Variants in PRKD1 observed in about 807,000 individuals in gnomAD.
The protein encoded by PRKD1 is protein kinase D1.
A neutral mutation model predicts 95.9 loss-of-function variants in PRKD1; 63 were observed. That is an observed-to-expected ratio of 0.66 (90% CI 0.54 to 0.81). The LOEUF is 0.81. PRKD1 is among the 30% of genes least tolerant of loss of function. The pLI is 0.00. For synonymous variants in PRKD1, 425 were observed against 423.1 expected, an observed-to-expected ratio of 1.00 and a Z score of -0.05; for missense variants, 1,048 against 1,165.3, an observed-to-expected ratio of 0.90 and a Z score of 1.47.
chr14:29,692,992 A>G (rs1327203970), intron 2 of PRKD1, among the ~76,000 whole-genome samples: 1 of 152,222 alleles, frequency 6.6e-6, no homozygotes, highest in Non-Finnish European at 1.5e-5. Context: ...TATGGCCTTG[A>G]CATTTCCTAA....
At chr14:29,586,059 T>A (rs12891866) in intron 16 of PRKD1, among the ~76,000 whole-genome samples, 42,299 of 152,116 alleles carry the variant, frequency 0.28, 7,234 homozygotes, top group Non-Finnish European at 0.39. Context: ...TTTTAATGGC[T>A]GCTAGGCAAT....
At chr14:29,675,520 C>T (rs969949714) in intron 2 of PRKD1, among the ~76,000 whole-genome samples, 3 of 152,142 alleles carry the variant, frequency 2.0e-5, no homozygotes, top group Non-Finnish European at 4.4e-5. Context: ...AACACTTTTA[C>T]ACTGTTGGTG....
At chr14:29,787,948 G>A (rs1889349682) in intron 1 of PRKD1, among the ~76,000 whole-genome samples, 1 of 151,958 alleles carries the variant, frequency 6.6e-6, no homozygotes, top group South Asian at 2.1e-4. Flanking sequence ...ACAAATTGGT[G>A]GGCTTTTTGT....
At chr14:29,740,060 A>G (rs1332579844) in intron 1 of PRKD1, among the ~76,000 whole-genome samples, 1 of 152,192 alleles carries the variant, frequency 6.6e-6, no homozygotes, top group Non-Finnish European at 1.5e-5. Flanking sequence ...GTGTAAAAAC[A>G]TATTATCTTG....
intron 1 of PRKD1, among the ~76,000 whole-genome samples, chr14:29,757,167 T>C (rs908339061): frequency 1.3e-5 from 2 of 152,150 alleles, no homozygotes; most frequent in African/African-American, 2.4e-5. Flanking sequence ...CTCTATACCC[T>C]GAAGGAAAAA....
At position 29,598,984 on chromosome 14, in the gene PRKD1, T is replaced by C. The variant is rs1594350286; in HGVS notation, c.2166+43A>G. The C allele has an allele frequency of 2.7e-6, 4 of 1,478,314 alleles. No individual in the cohort carries two copies. The East Asian group carries it at 9.1e-5, about 33-fold the overall frequency. 91.6% of individuals were successfully genotyped at this position (1,478,314 alleles called of 1,614,324 possible). On this transcript the variant is annotated intron_variant, in intron 15 of 17. Transcript: ENST00000331968. Reference sequence around the variant, plus strand: ...CAAGATGCTACATGGAAGCTAGCAATGCTTCCAACTGGCTTTTTGCTGAGA... The same window carrying C: ...CAAGATGCTACATGGAAGCTAGCAACGCTTCCAACTGGCTTTTTGCTGAGA...
chr14:29,885,071 C>T (rs944574020), intron 1 of PRKD1, among the ~76,000 whole-genome samples: 3 of 149,378 alleles, frequency 2.0e-5, no homozygotes, highest in Non-Finnish European at 4.4e-5. Flanking sequence ...TGCAGTGAGC[C>T]GAGATCGCAC....
chr14:29,916,547 C>T (rs1894894878), intron 1 of PRKD1, among the ~76,000 whole-genome samples: 1 of 152,218 alleles, frequency 6.6e-6, no homozygotes, highest in Non-Finnish European at 1.5e-5. Context: ...AAAGCTACGG[C>T]TGTTTGGTCA....
In PRKD1 at chr14:29,577,181, C is replaced by T; in HGVS notation, c.*57G>A. ...CAGTTCTGCAAGGCAAATGTTAAAC[C>T]TGACCGTATGTATTTATTAGTTCCA... On this transcript the variant is annotated 3_prime_UTR_variant, in exon 18 of 18. Coordinates refer to ENST00000331968, the MANE Select transcript of PRKD1 (RefSeq NM_002742.3). 1 of 1,536,290 alleles carries T rather than the reference C, an allele frequency of 6.5e-7. No homozygotes were observed. Among genetic ancestry groups the T allele is most frequent in the Middle Eastern group, 2.3e-4 (1 of 4,390 alleles).
At chr14:29,897,941 GCTAT>G (rs1254935855) in intron 1 of PRKD1, among the ~76,000 whole-genome samples, 21 of 152,062 alleles carry the variant, frequency 1.4e-4, no homozygotes, top group East Asian at 1.2e-3. Context: ...TTGTTATACA[GCTAT>G]CTATGTTTCT....
At chr14:29,777,712 A>T (rs1888836753) in intron 1 of PRKD1, among the ~76,000 whole-genome samples, 2 of 152,166 alleles carry the variant, frequency 1.3e-5, no homozygotes, top group African/African-American at 4.8e-5. Flanking sequence ...TTACCACCCC[A>T]CTGTCAATAT....
At chr14:29,701,333 C>T (rs1438005112) in intron 2 of PRKD1, among the ~76,000 whole-genome samples, 1 of 152,170 alleles carries the variant, frequency 6.6e-6, no homozygotes, top group Non-Finnish European at 1.5e-5. Flanking sequence ...CACAAGTCCT[C>T]CAGGAGAGTC....
intron 2 of PRKD1, among the ~76,000 whole-genome samples, chr14:29,702,454 G>A (rs1378170596): frequency 6.6e-6 from 1 of 151,932 alleles, no homozygotes; most frequent in Non-Finnish European, 1.5e-5. Context: ...TGAGGTACTT[G>A]ATACAGGTTA....
At chr14:29,786,562 T>C (rs1889283452) in intron 1 of PRKD1, among the ~76,000 whole-genome samples, 1 of 152,186 alleles carries the variant, frequency 6.6e-6, no homozygotes. Context: ...TCTGGTTCAA[T>C]CTTGATAGGC....
In PRKD1 at chr14:29,676,176, C is replaced by G. The variant is rs866684199; in HGVS notation, c.404-9968G>C. ...TGCTGTAGGCATGCATAGTTCATTACGTTTTTGTTTTTTTTTTTTTTTTTT... is the reference window on the plus strand; with the variant it reads ...TGCTGTAGGCATGCATAGTTCATTAGGTTTTTGTTTTTTTTTTTTTTTTTT... On this transcript the variant is annotated intron_variant, in intron 2 of 17. Coordinates refer to ENST00000331968, the MANE Select transcript of PRKD1 (RefSeq NM_002742.3). 9.2e-3 allele frequency among the ~76,000 whole-genome samples: 569 copies of G among 62,144 alleles called. 6 individuals are homozygous for G. The highest frequency in any genetic ancestry group is 0.051 in the African/African-American group (542 of 10,722). The allele number at this position is 62,144 out of a possible 152,430, so 40.8% of individuals were successfully genotyped here.
At chr14:29,678,545 C>A (rs1014967364) in intron 2 of PRKD1, among the ~76,000 whole-genome samples, 1 of 152,048 alleles carries the variant, frequency 6.6e-6, no homozygotes, top group Non-Finnish European at 1.5e-5. Context: ...TGAAACAATG[C>A]TCTTTGGGTG....
At chr14:29,814,800 G>C (rs530565471) in intron 1 of PRKD1, among the ~76,000 whole-genome samples, 1 of 152,004 alleles carries the variant, frequency 6.6e-6, no homozygotes, top group African/African-American at 2.4e-5. Context: ...CTTAGCACTC[G>C]AAACTAAGCT....
intron 2 of PRKD1, among the ~76,000 whole-genome samples, chr14:29,692,764 C>CA (rs1884309246): frequency 6.6e-6 from 1 of 152,084 alleles, no homozygotes; most frequent in Non-Finnish European, 1.5e-5. Context: ...TTTGCCCTTT[C>CA]AAAAAACAAA....
intron 13 of PRKD1, among the ~76,000 whole-genome samples, chr14:29,608,869 AT>A (rs1160255238): frequency 6.6e-6 from 1 of 152,208 alleles, no homozygotes; most frequent in East Asian, 1.9e-4. Context: ...TTCATTAATC[AT>A]CTTTTGGGGG....
Sources: gnomAD v4.1 joint callset for allele counts (sites outside exome capture counted in the v4.1 genomes callset) on GRCh38, gnomAD v4.1.1 for gene constraint, MANE v1.5 for transcripts, NCBI Gene and HGNC (gene_info 2026-07-23, HGNC 2026-07-21) for gene names.